Variants in PLCB1 observed in about 807,000 individuals in gnomAD.
PLCB1 encodes phospholipase C beta 1, also known as 1-phosphatidylinositol 4,5-bisphosphate phosphodiesterase beta-1.
PLCB1 carries 46 observed loss-of-function variants against 161.8 expected under a neutral mutation model. The observed-to-expected ratio is 0.28, with a 90% CI of 0.22 to 0.36. The LOEUF (loss-of-function observed/expected upper bound fraction) is 0.36. Ranked by LOEUF, PLCB1 falls within the 10% of genes least tolerant of loss-of-function variation. The pLI is 1.00. For missense variants in PLCB1, 1,016 were observed against 1,472.5 expected (o/e 0.69, Z 5.07); for synonymous variants, 517 against 503.7 (o/e 1.03, Z -0.35).
intron 2 of PLCB1, among the ~76,000 whole-genome samples, chr20:8,258,054 G>C (rs1185861083): frequency 6.6e-6 from 1 of 152,092 alleles, no homozygotes; most frequent in Admixed American, 6.6e-5. Flanking sequence ...GAATTACCTA[G>C]ATTTACTCAA....
intron 7 of PLCB1, 127 bp downstream of exon 7, chr20:8,649,576 T>G (rs764251574): frequency 4.3e-5 from 29 of 676,622 alleles, no homozygotes; most frequent in Non-Finnish European, 7.5e-5. Context: ...CTTCCATGAT[T>G]AATGGGTTAA....
Position 8,563,613 on chromosome 20 carries a change from A to T in PLCB1, c.247-64681A>T, listed in dbSNP as rs533515984. Among the ~76,000 whole-genome samples the T allele has an allele frequency of 1.1e-4, 16 of 152,274 alleles. No individual in the cohort carries two copies. The East Asian group carries it at 2.9e-3, about 28-fold the overall frequency. On this transcript the variant is annotated intron_variant, in intron 3 of 31. Transcript: ENST00000338037. Reference sequence around the variant, plus strand: ...TAGAAAACTCTATTGTCTCAGCCCCAAATCTTCTTAAGCTGATAAGCAACT... The same window carrying T: ...TAGAAAACTCTATTGTCTCAGCCCCTAATCTTCTTAAGCTGATAAGCAACT...
In PLCB1 at chr20:8,433,393, G is replaced by GTGATGT. The variant is rs370571023; in HGVS notation, c.246+61943_246+61944insTGATGT. On this transcript the variant is annotated intron_variant, in intron 3 of 31. Transcript: ENST00000338037. ...GAGGGCTTAAGTTTGGGGAGAGTGG[G>GTGATGT]CTTCTTTTGATTTGCAATGTGGAAG... Among the ~76,000 whole-genome samples the GTGATGT allele has an allele frequency of 2.6e-4, 39 of 148,694 alleles. 2 individuals are homozygous for GTGATGT. The highest frequency in any genetic ancestry group is 4.6e-4 in the Admixed American group (7 of 15,082).
chr20:8,492,866 G>A (rs959180369), intron 3 of PLCB1, among the ~76,000 whole-genome samples: 1 of 151,762 alleles, frequency 6.6e-6, no homozygotes. Context: ...GTGTGTGTGT[G>A]TGTGTGTGCA....
chr20:8,654,761 A>G (rs1989409212), intron 7 of PLCB1, among the ~76,000 whole-genome samples: 1 of 151,994 alleles, frequency 6.6e-6, no homozygotes, highest in African/African-American at 2.4e-5. Context: ...AATCCGTGCC[A>G]TTCACTTCAC....
chr20:8,570,025 T>G (rs1187691000), intron 3 of PLCB1, among the ~76,000 whole-genome samples: 2 of 152,180 alleles, frequency 1.3e-5, no homozygotes, highest in Non-Finnish European at 2.9e-5. Context: ...AAGGTCTGGT[T>G]GTTTCTCTTC....
At chr20:8,488,445 A>G (rs1579068) in intron 3 of PLCB1, among the ~76,000 whole-genome samples, 79,037 of 151,928 alleles carry the variant, frequency 0.52, 21,833 homozygotes, top group East Asian at 0.65. Flanking sequence ...ATCATGGGAC[A>G]ATTATTTTCA....
chr20:8,335,798 G>C (rs569410824), intron 2 of PLCB1, among the ~76,000 whole-genome samples: 1 of 152,358 alleles, frequency 6.6e-6, no homozygotes, highest in East Asian at 1.9e-4. Context: ...AAGCATTGTA[G>C]TAATTTATGT....
chr20:8,442,971 CT>C (rs903591951), intron 3 of PLCB1, among the ~76,000 whole-genome samples: 1 of 147,068 alleles, frequency 6.8e-6, no homozygotes, highest in Non-Finnish European at 1.5e-5. Context: ...TTGTGAGTTT[CT>C]TGTTTTTTTT....
intron 2 of PLCB1, among the ~76,000 whole-genome samples, chr20:8,185,501 G>A (rs759688977): frequency 2.0e-4 from 31 of 151,922 alleles, no homozygotes; most frequent in Non-Finnish European, 3.7e-4. Context: ...TATGTTGATC[G>A]GTAAAATGTT....
intron 3 of PLCB1, among the ~76,000 whole-genome samples, chr20:8,573,418 G>A (rs957533277): frequency 5.3e-5 from 8 of 152,332 alleles, no homozygotes; most frequent in African/African-American, 7.2e-5. Flanking sequence ...GGGGTATCAA[G>A]GGAATGATGT....
intron 2 of PLCB1, among the ~76,000 whole-genome samples, chr20:8,234,706 C>A (rs1324445075): frequency 6.6e-6 from 1 of 151,932 alleles, no homozygotes; most frequent in Non-Finnish European, 1.5e-5. Context: ...TTTGCTTTGA[C>A]TTTGTGGATT....
chr20:8,486,060 G>C (rs1015276013), intron 3 of PLCB1, among the ~76,000 whole-genome samples: 2 of 152,154 alleles, frequency 1.3e-5, no homozygotes, highest in African/African-American at 4.8e-5. Flanking sequence ...TGAGTGGGGG[G>C]AAAAGCCCCT....
chr20:8,552,305 A>G (rs992790839), intron 3 of PLCB1, among the ~76,000 whole-genome samples: 2 of 152,188 alleles, frequency 1.3e-5, no homozygotes, highest in Admixed American at 1.3e-4. Context: ...TTTTCCTTGG[A>G]CAGTATAGAG....
At chr20:8,367,981 G>A (rs931204196) in intron 2 of PLCB1, among the ~76,000 whole-genome samples, 3 of 152,086 alleles carry the variant, frequency 2.0e-5, no homozygotes, top group African/African-American at 4.8e-5. Context: ...TCTTCCCCAC[G>A]CCACATTACC....
chr20:8,840,980 C>T (rs2146289898), intron 31 of PLCB1, among the ~76,000 whole-genome samples: 1 of 152,072 alleles, frequency 6.6e-6, no homozygotes, highest in South Asian at 2.1e-4. Context: ...CCACACCCAA[C>T]CAAAATACAA....
At chr20:8,566,641 T>C in intron 3 of PLCB1, among the ~76,000 whole-genome samples, 1 of 152,208 alleles carries the variant, frequency 6.6e-6, no homozygotes, top group South Asian at 2.1e-4. Flanking sequence ...TAAATAGATA[T>C]TATTGAATTT....
At chr20:8,684,022 T>C (rs778532195) in intron 9 of PLCB1, among the ~76,000 whole-genome samples, 9 of 148,472 alleles carry the variant, frequency 6.1e-5, no homozygotes, top group East Asian at 2.1e-4. Context: ...TAGCTGGGAC[T>C]GCAGGCACCC....
intron 4 of PLCB1, among the ~76,000 whole-genome samples, chr20:8,638,275 A>G (rs1004409653): frequency 3.3e-5 from 5 of 152,142 alleles, no homozygotes; most frequent in African/African-American, 1.2e-4. Context: ...CTCCTATCAT[A>G]AAGGAGCCAA....
Sources: allele counts gnomAD v4.1 joint callset (sites outside exome capture counted in the v4.1 genomes callset), GRCh38; gene constraint gnomAD v4.1.1; transcripts MANE v1.5; gene names NCBI Gene and HGNC (gene_info 2026-07-23, HGNC 2026-07-21).